Variants in ADGRB2 observed in about 807,000 individuals in gnomAD.
ADGRB2 encodes adhesion G protein-coupled receptor B2, also known as brain-specific angiogenesis inhibitor 2.
A neutral mutation model predicts 178.7 loss-of-function variants in ADGRB2; 47 were observed. The ratio of observed to expected loss-of-function variants is 0.26; its 90% confidence interval spans 0.21 to 0.34. ADGRB2 has a LOEUF of 0.34. Ranked by LOEUF, ADGRB2 falls within the 10% of genes least tolerant of loss-of-function variation. The probability of loss-of-function intolerance (pLI) is 1.00; values close to 1 mark genes in which losing one functional copy is unlikely to be tolerated. For synonymous variants in ADGRB2, 870 were observed against 912.4 expected (o/e 0.95, Z 0.84); for missense variants, 1,584 against 2,180.8 (o/e 0.73, Z 5.45).
Position 31,728,821 on chromosome 1 carries a change from C to A in ADGRB2, c.4381-188G>T, listed in dbSNP as rs1256171550. ...CTCACTGAACACACACACACACACA[C>A]ACACACACACACACACACACACACA... On this transcript the variant is annotated intron_variant, in intron 29 of 32. Coordinates refer to ENST00000373658, the MANE Select transcript of ADGRB2 (RefSeq NM_001364857.2). This position sits in a 1 kb window ranked among gnomAD's most constrained non-coding sequence, Gnocchi z 6.7. Among the ~76,000 whole-genome samples the A allele has an allele frequency of 1.3e-5, 2 of 150,460 alleles. No individual in the cohort carries two copies. Among genetic ancestry groups the A allele is most frequent in the African/African-American group, 4.9e-5 (2 of 40,802 alleles).
chr1:31,736,563 C>A lies in ADGRB2; in HGVS notation c.3130+10G>T. On this transcript the variant is annotated intron_variant, in intron 21 of 32. Coordinates refer to ENST00000373658, the MANE Select transcript of ADGRB2 (RefSeq NM_001364857.2). ...GCCCAGCAGCAGAGTCCAGCACTGG[C>A]CCTGCTCACCCCAGCCCAGGCAGAG... 1 of 1,613,074 alleles carries A rather than the reference C, an allele frequency of 6.2e-7. No individual in the cohort carries two copies. Among genetic ancestry groups the A allele is most frequent in the Non-Finnish European group, 8.5e-7 (1 of 1,179,450 alleles).
At position 31,727,316 on chromosome 1, in the gene ADGRB2, C is replaced by G; in HGVS notation, c.*104G>C. 1 of 1,391,152 alleles carries G rather than the reference C, an allele frequency of 7.2e-7. No homozygotes were observed. Among genetic ancestry groups the G allele is most frequent in the Non-Finnish European group, 9.4e-7 (1 of 1,061,208 alleles). The allele number at this position is 1,391,152 out of a possible 1,614,324, so 86.2% of individuals were successfully genotyped here. ...GTCCACGGCGCCTCCCTGCCCAGCC[C>G]TCGGGAGAGGGGAGAGGGCGCTGGC... On this transcript the variant is annotated 3_prime_UTR_variant, in exon 33 of 33. Transcript: ENST00000373658. The surrounding 1 kb of genome is among the most constrained non-coding windows in gnomAD (Gnocchi z 4.4).
At position 31,739,982 on chromosome 1, in the gene ADGRB2, A is replaced by G; in HGVS notation, c.2111T>C (p.Leu704Pro). The change falls in exon 14 of 33, where the codon CTG (leucine) becomes CCG (proline). Residue 704 changes from leucine to proline, a missense_variant. This residue lies in a region of ADGRB2 where 62 missense variants were observed against 140.3 expected (regional missense o/e 0.44). Transcript: ENST00000373658. ...GAAGGCCTTGAGAGCATCGCCCACCAGGTGAATGAAGTCCTCCACGACACG... is the reference window on the plus strand; with the variant it reads ...GAAGGCCTTGAGAGCATCGCCCACCGGGTGAATGAAGTCCTCCACGACACG... The part of the protein sequence containing the change: ...LLRVVEDFIH[L>P]VGDALKAFQS... 1 of 1,614,148 alleles carries G rather than the reference A, an allele frequency of 6.2e-7. No homozygotes were observed.
rs1454660069 is a variant in ADGRB2, at chr1:31,727,869, G to A, written c.4572+156C>T. Reference sequence around the variant, plus strand: ...CCTCCACCCCTGTTCGCCATCTGCAGCACCTTCCCCACCCCCAGGCGGCCC... The same window carrying A: ...CCTCCACCCCTGTTCGCCATCTGCAACACCTTCCCCACCCCCAGGCGGCCC... On this transcript the variant is annotated intron_variant, in intron 32 of 32. Coordinates refer to ENST00000373658, the MANE Select transcript of ADGRB2 (RefSeq NM_001364857.2). This position sits in a 1 kb window ranked among gnomAD's most constrained non-coding sequence, Gnocchi z 4.4. 3 of 1,082,400 alleles carry A rather than the reference G, an allele frequency of 2.8e-6. No homozygotes were observed. Among genetic ancestry groups the A allele is most frequent in the Non-Finnish European group, 3.9e-6 (3 of 776,060 alleles). 67.0% of individuals were successfully genotyped at this position (1,082,400 alleles called of 1,614,324 possible). A position where few individuals can be genotyped will look rare whatever the true frequency, so the allele number is the denominator to read the frequency against.
chr1:31,748,651 A>T (rs1445098186), intron 4 of ADGRB2, among the ~76,000 whole-genome samples: 1 of 152,252 alleles, frequency 6.6e-6, no homozygotes, highest in Non-Finnish European at 1.5e-5. Flanking sequence ...CAGTGAGCTC[A>T]GCGGCTTGTG....
In ADGRB2 at chr1:31,752,810, T is replaced by C. The variant is rs1190655669; in HGVS notation, c.838+3189A>G. On this transcript the variant is annotated intron_variant, in intron 4 of 32. Coordinates refer to ENST00000373658, the MANE Select transcript of ADGRB2 (RefSeq NM_001364857.2). ...AACTGGGGGTTCTGAGGCCCCAAGA[T>C]GGGCAGCACCTTGTCCAAGTCACAG... is the stretch of plus-strand genomic sequence containing the variant. Among the ~76,000 whole-genome samples the C allele has an allele frequency of 2.0e-5, 3 of 152,050 alleles. No homozygotes were observed. In the East Asian group the frequency reaches 5.8e-4, roughly 29 times the overall value.
At chr1:31,732,023 G>GAAC in intron 28 of ADGRB2, 92 bp downstream of exon 28, 1 of 1,538,792 alleles carries the variant, frequency 6.5e-7, no homozygotes, top group Non-Finnish European at 9.0e-7. Context: ...CCAGCAGCCA[G>GAAC]AACTCCATCA....
At position 31,744,680 on chromosome 1, in the gene ADGRB2, G is replaced by A; in HGVS notation, c.890C>T (p.Ala297Val). ...PKVKTQWPRS[A>V]DEPGLYMAQT... ...CGCCATGTATAGCCCAGGCTCATCTGCAGACCTCGGCCACTGGGTTTTCAC... is the reference window on the plus strand; with the variant it reads ...CGCCATGTATAGCCCAGGCTCATCTACAGACCTCGGCCACTGGGTTTTCAC... The change falls in exon 5 of 33, where the codon GCA becomes GTA. Residue 297 changes from alanine (A) to valine (V), a missense_variant. Physicochemically the swap from Ala to Val is moderately conservative, Grantham distance 64 (BLOSUM62 0). Coordinates refer to ENST00000373658, the MANE Select transcript of ADGRB2 (RefSeq NM_001364857.2). The surrounding 1 kb of genome is among the most constrained non-coding windows in gnomAD (Gnocchi z 6.7). 1 of 1,614,232 alleles carries A rather than the reference G, an allele frequency of 6.2e-7. No individual in the cohort carries two copies. The highest frequency in any genetic ancestry group is 8.5e-7 in the Non-Finnish European group (1 of 1,180,034).
At position 31,756,301 on chromosome 1, in the gene ADGRB2, G is replaced by C; in HGVS notation, c.536C>G (p.Ala179Gly). The C allele has an allele frequency of 6.2e-7, 1 of 1,613,026 alleles. No individual in the cohort carries two copies. Among genetic ancestry groups the C allele is most frequent in the Non-Finnish European group, 8.5e-7 (1 of 1,179,960 alleles). The change falls in exon 4 of 33, where the codon GCC (alanine) becomes GGC (glycine). Residue 179 changes from alanine to glycine, a missense_variant. Ala to Gly is a moderately conservative substitution (Grantham distance 60). This residue lies in a region of ADGRB2 where 657 missense variants were observed against 847.6 expected (regional missense o/e 0.78). Transcript: ENST00000373658. The surrounding 1 kb of genome is among the most constrained non-coding windows in gnomAD (Gnocchi z 8.5). ...GAGCAAGACCTCGACAAAGCGGAAG[G>C]CTAGGGCAGCGGGCGCCAGCAGGCG... ...APRLLAPAAL[A>G]FRFVEVLLIN... is the part of the protein sequence containing the mutation.
In ADGRB2 at chr1:31,742,796, G is replaced by A. The variant is rs892670329; in HGVS notation, c.1252+42C>T. 5.0e-6 allele frequency: 7 copies of A among 1,386,424 alleles called. No individual in the cohort carries two copies. In the Admixed American group the frequency reaches 1.9e-4, roughly 37 times the overall value. The allele number at this position is 1,386,424 out of a possible 1,614,324, so 85.9% of individuals were successfully genotyped here. A position where few individuals can be genotyped will look rare whatever the true frequency, so the allele number is the denominator to read the frequency against. On this transcript the variant is annotated intron_variant, in intron 7 of 32. Coordinates refer to ENST00000373658, the MANE Select transcript of ADGRB2 (RefSeq NM_001364857.2). The stretch of plus-strand genomic sequence containing the variant: ...CCCCAGGTCTCCCGACCCCCCACCG[G>A]GCTGGGCAGCGCCCTCATGGAAGCC...
Position 31,731,133 on chromosome 1 carries a change from T to C in ADGRB2, c.4047A>G (p.Gly1349=). Residue 1349 remains glycine (G), a synonymous_variant, in exon 29 of 33, where the codon GGA becomes GGG. Transcript: ENST00000373658. ...TCCGCCGGGGCAGCACCATGTAGTC[T>C]CCCTCAGAGCCTGGCTCAGTGGGCC... The part of the protein sequence containing the change: ...WLRPTEPGSE[G]DYMVLPRRTL... 1.9e-6 allele frequency: 3 copies of C among 1,590,810 alleles called. No homozygotes were observed. The highest frequency in any genetic ancestry group is 2.6e-6 in the Non-Finnish European group (3 of 1,169,410).
At chr1:31,736,008 C>T in intron 22 of ADGRB2, 115 bp from the exon 23 acceptor site, 1 of 1,149,392 alleles carries the variant, frequency 8.7e-7, no homozygotes, top group Non-Finnish European at 1.2e-6. Flanking sequence ...GCAGTCTGAG[C>T]CCCAGACGGT....
Position 31,728,507 on chromosome 1 carries a change from A to T in ADGRB2, c.4416+91T>A. 6.3e-7 allele frequency: 1 copy of T among 1,576,764 alleles called. No individual in the cohort carries two copies. Among genetic ancestry groups the T allele is most frequent in the Non-Finnish European group, 8.7e-7 (1 of 1,146,380 alleles). On this transcript the variant is annotated intron_variant, in intron 30 of 32. Coordinates refer to ENST00000373658, the MANE Select transcript of ADGRB2 (RefSeq NM_001364857.2). This position sits in a 1 kb window ranked among gnomAD's most constrained non-coding sequence, Gnocchi z 6.7. ...TTGGGCTCCTGGGGTCAGGCTCTGCAACAGAGCTTGGACTACTTTTAGGAG... is the reference window on the plus strand; with the variant it reads ...TTGGGCTCCTGGGGTCAGGCTCTGCTACAGAGCTTGGACTACTTTTAGGAG...
chr1:31,733,210 C>T lies in ADGRB2; in HGVS notation c.3453-67G>A, dbSNP rs1387502544. ...GGGACAGGATGGCTTGAGCCTAGGC[C>T]TCCACTCAGCTGGAGCTCTTCAGCT... On this transcript the variant is annotated intron_variant, in intron 25 of 32. Coordinates refer to ENST00000373658, the MANE Select transcript of ADGRB2 (RefSeq NM_001364857.2). This position sits in a 1 kb window ranked among gnomAD's most constrained non-coding sequence, Gnocchi z 4.3. 2.7e-6 allele frequency: 4 copies of T among 1,501,538 alleles called. No homozygotes were observed. Among genetic ancestry groups the T allele is most frequent in the Admixed American group, 2.0e-5 (1 of 49,466 alleles). 93.0% of individuals were successfully genotyped at this position (1,501,538 alleles called of 1,614,324 possible).
In ADGRB2 at chr1:31,757,364, A is replaced by G. The variant is rs1266130699; in HGVS notation, c.-61+18T>C. On this transcript the variant is annotated intron_variant, in intron 2 of 32. Coordinates refer to ENST00000373658, the MANE Select transcript of ADGRB2 (RefSeq NM_001364857.2). ...AGCAATTTGAGGTTATTCCTGGAAC[A>G]ATGTCATTCTCACTCACTTGCTTTA... 3.8e-6 allele frequency: 4 copies of G among 1,065,098 alleles called. No individual in the cohort carries two copies. The highest frequency in any genetic ancestry group is 3.5e-5 in the Admixed American group (2 of 56,472). 66.0% of individuals were successfully genotyped at this position (1,065,098 alleles called of 1,614,324 possible). A position where few individuals can be genotyped will look rare whatever the true frequency, so the allele number is the denominator to read the frequency against.
intron 27 of ADGRB2, 52 bp downstream of exon 27, chr1:31,732,465 G>A: frequency 6.3e-7 from 1 of 1,585,152 alleles, no homozygotes; most frequent in Non-Finnish European, 8.7e-7. Context: ...AGGAGGATTG[G>A]GGTGGGGGGT....
In ADGRB2 at chr1:31,755,860, G is replaced by C; in HGVS notation, c.838+139C>G. The C allele has an allele frequency of 8.1e-7, 1 of 1,228,784 alleles. No individual in the cohort carries two copies. The highest frequency in any genetic ancestry group is 2.5e-5 in the East Asian group (1 of 40,596). The allele number at this position is 1,228,784 out of a possible 1,614,324, so 76.1% of individuals were successfully genotyped here. ...CTCACTGCCATGCATTTTGGTGACC[G>C]CAACATTTGGACAAGGCTCAGCAGA... On this transcript the variant is annotated intron_variant, in intron 4 of 32. Coordinates refer to ENST00000373658, the MANE Select transcript of ADGRB2 (RefSeq NM_001364857.2). The surrounding 1 kb of genome is among the most constrained non-coding windows in gnomAD (Gnocchi z 5.1).
chr1:31,739,369 A>G lies in ADGRB2; in HGVS notation c.2434T>C (p.Ser812Pro). ...RLLPADPDES[S>P]YFVIGAVLYR... ...AGTACAGCACCGATCACAAAGTAGG[A>G]GGACTCATCAGGGTCTGCTGGGAGG... Residue 812 changes from serine to proline, a missense_variant, in exon 15 of 33, where the codon TCC becomes CCC. Coordinates refer to ENST00000373658, the MANE Select transcript of ADGRB2 (RefSeq NM_001364857.2). The G allele has an allele frequency of 1.3e-6, 2 of 1,514,774 alleles. No homozygotes were observed. The highest frequency in any genetic ancestry group is 1.8e-6 in the Non-Finnish European group (2 of 1,129,836). 93.8% of individuals were successfully genotyped at this position (1,514,774 alleles called of 1,614,324 possible). A position where few individuals can be genotyped will look rare whatever the true frequency, so the allele number is the denominator to read the frequency against.
In ADGRB2 at chr1:31,733,007, C is replaced by T. The variant is rs1464363313; in HGVS notation, c.3589G>A (p.Val1197Ile). ...AGGAAGCAGTGCACAGCAGTGATGACAAAGCCCTGCGCGGAGTTGAAGACA... is the reference window on the plus strand; with the variant it reads ...AGGAAGCAGTGCACAGCAGTGATGATAAAGCCCTGCGCGGAGTTGAAGACA... ...FAVFNSAQGF[V>I]ITAVHCFLRR... The change falls in exon 26 of 33, where the codon GTC (valine) becomes ATC (isoleucine). Residue 1197 changes from valine (V) to isoleucine (I), a missense_variant. Around this residue, in one of 3 missense-constraint regions of ADGRB2, gnomAD observed 865 missense variants for 1,192.8 expected, o/e 0.73. Transcript: ENST00000373658. This position sits in a 1 kb window ranked among gnomAD's most constrained non-coding sequence, Gnocchi z 4.3. The T allele has an allele frequency of 6.4e-7, 1 of 1,566,720 alleles. No homozygotes were observed. The highest frequency in any genetic ancestry group is 8.7e-7 in the Non-Finnish European group (1 of 1,155,984).
Sources: gnomAD v4.1 joint callset for allele counts (sites outside exome capture counted in the v4.1 genomes callset) on GRCh38, gnomAD v4.1.1 for gene constraint, gnomAD v4.1.1 regional missense constraint, Gnocchi (gnomAD v3.1) non-coding constraint, MANE v1.5 for transcripts, NCBI Gene and HGNC (gene_info 2026-07-23, HGNC 2026-07-21) for gene names.